The following CACNA1H variants were observed in gnomAD, a reference collection of about 807,000 sequenced individuals.
CACNA1H encodes the protein calcium voltage-gated channel subunit alpha1 H, also known as voltage-dependent T-type calcium channel subunit alpha-1H.
Under a neutral mutation model 192.5 loss-of-function variants are expected in CACNA1H, and 149 were observed. The observed-to-expected ratio is 0.77, with a 90% CI of 0.68 to 0.89. CACNA1H has a LOEUF of 0.89. Ranked by LOEUF, CACNA1H falls within the 40% of genes least tolerant of loss-of-function variation. The probability of loss-of-function intolerance (pLI) is 0.00; values close to 1 mark genes in which losing one functional copy is unlikely to be tolerated. For synonymous variants in CACNA1H, 2,202 were observed against 1,475.2 expected (o/e 1.49, Z -11.29); for missense variants, 4,257 against 3,423.5 (o/e 1.24, Z -6.08).
chr16:1,187,088 G>A (rs1198444789), intron 2 of CACNA1H, among the ~76,000 whole-genome samples: 2 of 152,262 alleles, frequency 1.3e-5, no homozygotes, highest in South Asian at 2.1e-4. Flanking sequence ...CGTCCCCTCC[G>A]CACTGCGGGC....
At position 1,221,239 on chromosome 16, in the gene CACNA1H, C is replaced by T. The variant is rs920635708; in HGVS notation, c.*245C>T. ...AGTTTTGCTACCAGCCGAGGCTGTG[C>T]GGGCAACTGGGTCAGCCTCCCGTCA... On this transcript the variant is annotated 3_prime_UTR_variant, in exon 35 of 35. Transcript: ENST00000348261. 35 of 490,196 alleles carry T rather than the reference C, an allele frequency of 7.1e-5. No homozygotes were observed. The highest frequency in any genetic ancestry group is 4.8e-4 in the African/African-American group (25 of 51,742). 30.4% of individuals were successfully genotyped at this position (490,196 alleles called of 1,614,324 possible). A position where few individuals can be genotyped will look rare whatever the true frequency, so the allele number is the denominator to read the frequency against.
At position 1,153,162 on chromosome 16, in the gene CACNA1H, C is replaced by G. The variant is rs1051705816; in HGVS notation, c.-327C>G. The G allele has an allele frequency of 2.1e-5, 3 of 144,864 alleles. 1 individual carries two copies. Among genetic ancestry groups the G allele is most frequent in the Admixed American group, 6.8e-5 (1 of 14,654 alleles). The allele number at this position is 144,864 out of a possible 1,614,324, so 9.0% of individuals were successfully genotyped here. ...GGCTCGAGGCTCGCTCGCTGCCTCA[C>G]CGGTCCCCGGCCCGCGCCCCGCGCC... is the stretch of plus-strand genomic sequence containing the variant. On this transcript the variant is annotated 5_prime_UTR_variant, in exon 1 of 35. Transcript: ENST00000348261.
intron 14 of CACNA1H, among the ~76,000 whole-genome samples, 168 bp from the exon 15 acceptor site, chr16:1,207,602 G>A (rs1968893810): frequency 6.6e-6 from 1 of 152,108 alleles, no homozygotes. Context: ...GCAGGGGTCG[G>A]TCGGGAGAGG....
At chr16:1,210,314 C>G (rs1394018609) in intron 18 of CACNA1H, 56 bp from the exon 19 acceptor site, 1 of 1,448,162 alleles carries the variant, frequency 6.9e-7, no homozygotes, top group African/African-American at 1.4e-5. Context: ...CAACCCCCAT[C>G]CACTCTGCCA....
At chr16:1,206,739 T>C (rs1596439612) in intron 12 of CACNA1H, 1 of 487,990 alleles carries the variant, frequency 2.0e-6, no homozygotes, top group Non-Finnish European at 3.7e-6. Flanking sequence ...GCCACCCAAA[T>C]CCAGAGTGGC....
At position 1,208,235 on chromosome 16, in the gene CACNA1H, C is replaced by T; in HGVS notation, c.3363+14C>T. On this transcript the variant is annotated intron_variant, in intron 16 of 34. Transcript: ENST00000348261. ...CAGAAGCCTCCGGTAGGGACCATCT[C>T]CTGCCCCAGCTCTCAGGCCCCTTCA... 6.5e-7 allele frequency: 1 copy of T among 1,537,510 alleles called. No homozygotes were observed. Among genetic ancestry groups the T allele is most frequent in the African/African-American group, 1.4e-5 (1 of 73,038 alleles).
At position 1,211,617 on chromosome 16, in the gene CACNA1H, C is replaced by T. The variant is rs112560773; in HGVS notation, c.4476+11C>T. 3.0e-5 allele frequency: 49 copies of T among 1,608,478 alleles called. 1 individual carries two copies. The Admixed American group carries it at 3.9e-4, about 13-fold the overall frequency. On this transcript the variant is annotated intron_variant, in intron 23 of 34. Coordinates refer to ENST00000348261, the MANE Select transcript of CACNA1H (RefSeq NM_021098.3). ...GACAACCTGGGCCAGGTGGGCTGGG[C>T]GGCCGGGCGGGAGCTGGGGGTCTCC...
chr16:1,218,529 C>T lies in CACNA1H; in HGVS notation c.5765C>T (p.Ser1922Phe), dbSNP rs919557968. ...PNLVARKVSVSRMLSLPNDSY... is the reference protein window; with the variant it reads ...PNLVARKVSVFRMLSLPNDSY... ...CTGGTTGCACGCAAGGTGTCCGTGTCCAGGATGCTCTCGCTGCCCAACGAC... is the reference window on the plus strand; with the variant it reads ...CTGGTTGCACGCAAGGTGTCCGTGTTCAGGATGCTCTCGCTGCCCAACGAC... Residue 1922 changes from serine (S) to phenylalanine (F), a missense_variant, in exon 33 of 35, where the codon TCC becomes TTC. Transcript: ENST00000348261. 27 of 1,555,632 alleles carry T rather than the reference C, an allele frequency of 1.7e-5. No individual in the cohort carries two copies. Among genetic ancestry groups the T allele is most frequent in the Non-Finnish European group, 2.3e-5 (27 of 1,150,098 alleles).
At position 1,205,073 on chromosome 16, in the gene CACNA1H, G is replaced by C. The variant is rs555668336; in HGVS notation, c.2452-41G>C. On this transcript the variant is annotated intron_variant, in intron 10 of 34. Coordinates refer to ENST00000348261, the MANE Select transcript of CACNA1H (RefSeq NM_021098.3). ...TCAGTGCCGGTGAGGGGTGGGAGCC[G>C]CGGGTGCGGCCTCCTGAACTGTCCC... The C allele has an allele frequency of 1.9e-6, 3 of 1,564,794 alleles. No individual in the cohort carries two copies. In the Admixed American group the frequency reaches 5.3e-5, roughly 28 times the overall value.
intron 2 of CACNA1H, among the ~76,000 whole-genome samples, chr16:1,185,188 C>T (rs1048431884): frequency 2.0e-5 from 3 of 152,196 alleles, no homozygotes; most frequent in African/African-American, 7.2e-5. Flanking sequence ...GAGCTTTCTT[C>T]CTTTTCATGG....
intron 9 of CACNA1H, 63 bp from the exon 10 acceptor site, chr16:1,203,947 T>C (rs1968328564): frequency 7.8e-7 from 1 of 1,284,320 alleles, no homozygotes; most frequent in Admixed American, 2.5e-5. Flanking sequence ...TGTGTGAGGG[T>C]TCCCGGGCCC....
chr16:1,215,441 G>T, intron 29 of CACNA1H, 66 bp downstream of exon 29: 3 of 692,018 alleles, frequency 4.3e-6, no homozygotes, highest in Non-Finnish European at 7.3e-6. Context: ...CCATGGGTGG[G>T]AGTGAGGGGC....
intron 2 of CACNA1H, among the ~76,000 whole-genome samples, chr16:1,162,684 C>T (rs1963343255): frequency 1.3e-5 from 2 of 151,018 alleles, no homozygotes; most frequent in African/African-American, 4.9e-5. Flanking sequence ...GTCTTGGGAC[C>T]CTGTGAAGGG....
chr16:1,184,005 C>T (rs1965736094), intron 2 of CACNA1H, among the ~76,000 whole-genome samples: 1 of 152,218 alleles, frequency 6.6e-6, no homozygotes. Context: ...GGTGCTTCAT[C>T]GGATGCCAGG....
chr16:1,186,798 C>G (rs780004507), intron 2 of CACNA1H, among the ~76,000 whole-genome samples: 3 of 152,204 alleles, frequency 2.0e-5, no homozygotes, highest in Non-Finnish European at 4.4e-5. Flanking sequence ...CTTCTGTATA[C>G]AAGCAGTGCG....
intron 25 of CACNA1H, 112 bp from the exon 26 acceptor site, chr16:1,212,399 C>T (rs893915272): frequency 5.8e-6 from 7 of 1,198,464 alleles, no homozygotes; most frequent in South Asian, 2.7e-5. Flanking sequence ...GTCCTCACTC[C>T]ACGAGGAGCC....
At position 1,195,033 on chromosome 16, in the gene CACNA1H, C is replaced by A. The variant is rs757347566; in HGVS notation, c.361C>A (p.Arg121=). The part of the protein sequence containing the change: ...MLNCVTLGMF[R]PCEDVECGSE... The stretch of plus-strand genomic sequence containing the variant: ...CAACTGCGTGACCCTGGGCATGTTC[C>A]GGCCCTGTGAGGACGTTGAGTGCGG... Residue 121 remains arginine, a synonymous_variant, in exon 3 of 35, where the codon CGG becomes AGG. Coordinates refer to ENST00000348261, the MANE Select transcript of CACNA1H (RefSeq NM_021098.3). The A allele has an allele frequency of 6.2e-7, 1 of 1,611,226 alleles. No homozygotes were observed. Among genetic ancestry groups the A allele is most frequent in the Non-Finnish European group, 8.5e-7 (1 of 1,178,886 alleles).
rs1320921220 is a variant in CACNA1H, at chr16:1,202,261, T to C, written c.1811T>C (p.Leu604Pro). Residue 604 changes from leucine to proline, a missense_variant, in exon 9 of 35, where the codon CTG (leucine) becomes CCG (proline). Transcript: ENST00000348261. ...GCCACTGCCGCTGCCAGCCTCAGACTGGCCACAGGGCTGGGCACCATGAAC... is the reference window on the plus strand; with the variant it reads ...GCCACTGCCGCTGCCAGCCTCAGACCGGCCACAGGGCTGGGCACCATGAAC... The part of the protein sequence containing the change: ...AAATAAASLR[L>P]ATGLGTMNYP... 3 of 1,574,088 alleles carry C rather than the reference T, an allele frequency of 1.9e-6. No individual in the cohort carries two copies. Among genetic ancestry groups the C allele is most frequent in the Non-Finnish European group, 2.6e-6 (3 of 1,162,066 alleles).
At chr16:1,155,786 G>A (rs1389440019) in intron 2 of CACNA1H, among the ~76,000 whole-genome samples, 1 of 152,192 alleles carries the variant, frequency 6.6e-6, no homozygotes, top group African/African-American at 2.4e-5. Context: ...TTGCGTTGCT[G>A]TGTGCAGGGA....
Sources: gnomAD v4.1 joint callset for allele counts (sites outside exome capture counted in the v4.1 genomes callset) on GRCh38, gnomAD v4.1.1 for gene constraint, MANE v1.5 for transcripts, NCBI Gene and HGNC (gene_info 2026-07-23, HGNC 2026-07-21) for gene names.